The following LANCL1 variants were observed in gnomAD, a reference collection of about 807,000 sequenced individuals.
LANCL1 encodes the protein LanC like glutathione S-transferase 1.
In LANCL1, 50 loss-of-function variants were observed where a neutral mutation model predicts 50.6. The observed-to-expected ratio is 0.99, with a 90% CI of 0.79 to 1.25. LANCL1 has a LOEUF of 1.25. Ranked by LOEUF, LANCL1 falls within the 50% of genes most tolerant of loss-of-function variation. The pLI, the probability that LANCL1 is intolerant of heterozygous loss-of-function variation, is 0.00. For synonymous variants in LANCL1, 188 were observed against 178.6 expected, an observed-to-expected ratio of 1.05 and a Z score of -0.42; for missense variants, 532 against 480.7, an observed-to-expected ratio of 1.11 and a Z score of -1.00.
Position 210,435,148 on chromosome 2 carries a change from T to C in LANCL1, c.1123+239A>G, listed in dbSNP as rs558576466. Among the ~76,000 whole-genome samples, 7 of 152,292 alleles carry C rather than the reference T, an allele frequency of 4.6e-5. No individual in the cohort carries two copies. The East Asian group carries it at 1.4e-3, about 29-fold the overall frequency. On this transcript the variant is annotated intron_variant, in intron 9 of 9. Transcript: ENST00000450366. ...TTGCTGAATGATTTATGAGGGCGTC[T>C]GCAAAATGCCCAACATGTGCCTGGC...
chr2:210,455,736 TAAAGAAATTC>T (rs1693653760), intron 3 of LANCL1, among the ~76,000 whole-genome samples: 1 of 151,828 alleles, frequency 6.6e-6, no homozygotes, highest in South Asian at 2.1e-4. Flanking sequence ...TGTTGTGAAC[TAAAGAAATTC>T]AAAGACCAGG....
chr2:210,439,847 T>G (rs1036714891), intron 6 of LANCL1, among the ~76,000 whole-genome samples: 8 of 152,172 alleles, frequency 5.3e-5, no homozygotes, highest in Non-Finnish European at 8.8e-5. Flanking sequence ...TATGCCACAG[T>G]GTGCCTTGGG....
rs746975501 is a variant in LANCL1 at position 210,437,813 on chromosome 2, G to A, written c.750C>T (p.Tyr250=). Residue 250 remains tyrosine, a synonymous_variant, in exon 7 of 10, where the codon TAC becomes TAT. Coordinates refer to ENST00000450366, the MANE Select transcript of LANCL1 (RefSeq NM_006055.3). ...LHSLVKPSVD[Y]VCQLKFPSGN... Reference sequence around the variant, plus strand: ...CAGAAGGGAATTTCAGCTGGCAGACGTAGTCTACACTGGGCTTGACCAAAC... The same window carrying A: ...CAGAAGGGAATTTCAGCTGGCAGACATAGTCTACACTGGGCTTGACCAAAC... The A allele has an allele frequency of 1.9e-6, 3 of 1,613,362 alleles. No individual in the cohort carries two copies. The highest frequency in any genetic ancestry group is 1.3e-5 in the African/African-American group (1 of 75,010).
intron 9 of LANCL1, 77 bp from the exon 10 acceptor site, chr2:210,434,640 C>G (rs1194817624): frequency 3.4e-6 from 4 of 1,173,302 alleles, no homozygotes; most frequent in Non-Finnish European, 5.0e-6. Context: ...TCCCCCATAT[C>G]TTTATTGACA....
chr2:210,477,301 T>G (rs1323961542), upstream of LANCL1: 8 of 164,074 alleles, frequency 4.9e-5, no homozygotes, highest in Middle Eastern at 3.0e-3. Context: ...ATTCTGTTCC[T>G]TAGCCTAAAT....
chr2:210,466,518 C>A (rs1264137248), intron 3 of LANCL1, among the ~76,000 whole-genome samples: 2 of 152,184 alleles, frequency 1.3e-5, no homozygotes, highest in Non-Finnish European at 2.9e-5. Context: ...ATACACATAG[C>A]CGTCTTGCCT....
chr2:210,448,897 C>G (rs991104287), intron 4 of LANCL1, among the ~76,000 whole-genome samples: 1 of 152,084 alleles, frequency 6.6e-6, no homozygotes, highest in Non-Finnish European at 1.5e-5. Flanking sequence ...CAGGACCAGA[C>G]AGATTCACAG....
chr2:210,444,135 T>C (rs780379843), intron 4 of LANCL1, among the ~76,000 whole-genome samples: 1 of 152,194 alleles, frequency 6.6e-6, no homozygotes, highest in East Asian at 1.9e-4. Flanking sequence ...AAGGTAGGGG[T>C]AGAGCTGAGG....
chr2:210,464,771 T>A (rs1057125435), intron 3 of LANCL1, among the ~76,000 whole-genome samples: 2 of 146,318 alleles, frequency 1.4e-5, no homozygotes, highest in Non-Finnish European at 3.0e-5. Flanking sequence ...TCGAGACCAT[T>A]CTGGCTAACA....
intron 8 of LANCL1, 126 bp from the exon 9 acceptor site, chr2:210,435,585 T>G: frequency 1.4e-6 from 1 of 723,640 alleles, no homozygotes; most frequent in Non-Finnish European, 2.4e-6. Flanking sequence ...AGAAAGGAGA[T>G]TAATGCAGAG....
At chr2:210,470,200 A>T (rs974633557) in intron 3 of LANCL1, among the ~76,000 whole-genome samples, 1 of 152,184 alleles carries the variant, frequency 6.6e-6, no homozygotes, top group African/African-American at 2.4e-5. Flanking sequence ...CACCTGGAAC[A>T]CAGTAGATAA....
At chr2:210,442,369 C>A (rs1165209085) in intron 4 of LANCL1, among the ~76,000 whole-genome samples, 2 of 152,122 alleles carry the variant, frequency 1.3e-5, no homozygotes, top group Non-Finnish European at 2.9e-5. Context: ...TATAAATATT[C>A]TACAGCTTGC....
intron 3 of LANCL1, among the ~76,000 whole-genome samples, chr2:210,470,105 T>G (rs188063432): frequency 6.6e-6 from 1 of 152,298 alleles, no homozygotes; most frequent in African/African-American, 2.4e-5. Flanking sequence ...GCGCTGTGCT[T>G]GTCCTGTTTT....
chr2:210,435,335 A>G, intron 9 of LANCL1, 52 bp downstream of exon 9: 1 of 1,376,754 alleles, frequency 7.3e-7, no homozygotes, highest in Non-Finnish European at 1.0e-6. Flanking sequence ...ATTACCAAGC[A>G]GAGAAGTAGA....
chr2:210,454,627 C>T (rs1693610696), intron 4 of LANCL1, among the ~76,000 whole-genome samples: 1 of 152,164 alleles, frequency 6.6e-6, no homozygotes, highest in South Asian at 2.1e-4. Flanking sequence ...TCTATTAGTA[C>T]AAACATTTAA....
chr2:210,434,971 T>C (rs1207504213), intron 9 of LANCL1, among the ~76,000 whole-genome samples: 12 of 152,162 alleles, frequency 7.9e-5, no homozygotes, highest in Non-Finnish European at 1.8e-4. Flanking sequence ...AAGAGATCAC[T>C]AGTGAGGTGT....
chr2:210,471,485 G>C, intron 3 of LANCL1: 1 of 426,804 alleles, frequency 2.3e-6, no homozygotes. Flanking sequence ...GGGAGGATTA[G>C]TTCATGGAAG....
intron 3 of LANCL1, among the ~76,000 whole-genome samples, chr2:210,457,725 C>T (rs966025922): frequency 5.9e-5 from 9 of 152,130 alleles, no homozygotes; most frequent in African/African-American, 9.7e-5. Context: ...GCCATTTTCT[C>T]TAGTATCTGT....
At chr2:210,450,087 A>C (rs190975732) in intron 4 of LANCL1, among the ~76,000 whole-genome samples, 146 of 152,336 alleles carry the variant, frequency 9.6e-4, no homozygotes, top group African/African-American at 3.4e-3. Context: ...ACCTGACTTC[A>C]AACTATACTA....
Sources: gnomAD v4.1 joint callset for allele counts (sites outside exome capture counted in the v4.1 genomes callset) on GRCh38, gnomAD v4.1.1 for gene constraint, MANE v1.5 for transcripts, NCBI Gene and HGNC (gene_info 2026-07-23, HGNC 2026-07-21) for gene names.